The following EBF1 variants were observed in gnomAD, a reference collection of about 807,000 sequenced individuals.
The protein encoded by EBF1 is transcription factor COE1.
Under a neutral mutation model 68.4 loss-of-function variants are expected in EBF1, and 10 were observed. That is an observed-to-expected ratio of 0.15 (90% CI 0.09 to 0.25). The LOEUF (loss-of-function observed/expected upper bound fraction) is 0.25, where lower values mean the gene tolerates loss of function less well. EBF1 is among the 10% of genes least tolerant of loss of function. The pLI, the probability that EBF1 is intolerant of heterozygous loss-of-function variation, is 1.00. For missense variants in EBF1, 509 were observed against 794.4 expected (o/e 0.64, Z 4.32); for synonymous variants, 298 against 299.8 (o/e 0.99, Z 0.06).
intron 8 of EBF1, among the ~76,000 whole-genome samples, chr5:158,796,703 C>T (rs561548525): frequency 2.6e-5 from 4 of 152,200 alleles, no homozygotes; most frequent in Admixed American, 6.5e-5. Flanking sequence ...ATATATTTTA[C>T]CCAAATCTTT....
intron 8 of EBF1, among the ~76,000 whole-genome samples, chr5:158,802,505 ACTCT>A (rs1780789004): frequency 6.6e-6 from 1 of 152,096 alleles, no homozygotes; most frequent in African/African-American, 2.4e-5. Flanking sequence ...ATTAACCAGA[ACTCT>A]CTATTAGTGA....
chr5:158,806,938 A>G (rs1276469176), intron 8 of EBF1, among the ~76,000 whole-genome samples: 17 of 152,198 alleles, frequency 1.1e-4, no homozygotes, highest in Admixed American at 1.1e-3. Flanking sequence ...CACTAGCTAC[A>G]CGCAGCTATT....
At chr5:159,083,997 T>A (rs544939406) in intron 5 of EBF1, among the ~76,000 whole-genome samples, 1 of 152,334 alleles carries the variant, frequency 6.6e-6, no homozygotes, top group Admixed American at 6.5e-5. Context: ...CAAATGTAGC[T>A]TCAGTCTGAT....
intron 4 of EBF1, among the ~76,000 whole-genome samples, chr5:159,092,145 C>A (rs1364837117): frequency 6.6e-6 from 1 of 152,216 alleles, no homozygotes; most frequent in Non-Finnish European, 1.5e-5. Flanking sequence ...ACCTCCCCCA[C>A]TGGATTCATT....
chr5:158,936,532 G>T (rs1046035645), intron 6 of EBF1, among the ~76,000 whole-genome samples: 3 of 152,206 alleles, frequency 2.0e-5, no homozygotes, highest in Non-Finnish European at 2.9e-5. Context: ...TCAGCATGTG[G>T]ATGGCACACG....
rs939930587 is a variant in EBF1 at position 158,967,062 on chromosome 5, T to TA, written c.554+106333dup. 4.0e-5 allele frequency among the ~76,000 whole-genome samples: 6 copies of TA among 150,024 alleles called. No individual in the cohort carries two copies. The South Asian group carries it at 8.4e-4, about 21-fold the overall frequency. On this transcript the variant is annotated intron_variant, in intron 6 of 15. Transcript: ENST00000313708. ...ACCCAAGTTTCTGGATCTACACAGA[T>TA]AAAAAAACCTTTTCAGGAAATAAGA...
Position 159,097,081 on chromosome 5 carries a change from G to A in EBF1, c.184C>T (p.Leu62=). Residue 62 remains leucine (L), a synonymous_variant, in exon 2 of 16, where the codon CTG becomes TTG. Transcript: ENST00000313708. ...AHFEKQPPSN[L]RKSNFFHFVL... ...AAGTGGAAGAAGTTGGATTTCCGCA[G>A]ATTGGAAGGCGGCTGCTTCTCAAAG... 2.5e-6 allele frequency: 4 copies of A among 1,614,012 alleles called. No individual in the cohort carries two copies. Among genetic ancestry groups the A allele is most frequent in the Non-Finnish European group, 3.4e-6 (4 of 1,179,960 alleles).
At chr5:158,772,461 T>C (rs1332770451) in intron 10 of EBF1, among the ~76,000 whole-genome samples, 1 of 152,182 alleles carries the variant, frequency 6.6e-6, no homozygotes, top group East Asian at 1.9e-4. Context: ...CAAGCATGTG[T>C]TGTTCCCTAA....
At chr5:158,775,444 C>T (rs983412924) in intron 10 of EBF1, among the ~76,000 whole-genome samples, 4 of 152,034 alleles carry the variant, frequency 2.6e-5, no homozygotes, top group African/African-American at 9.7e-5. Context: ...GAAACCATGC[C>T]TGATTGCCTC....
chr5:158,833,040 A>G (rs1213205178), intron 7 of EBF1, among the ~76,000 whole-genome samples: 1 of 152,046 alleles, frequency 6.6e-6, no homozygotes, highest in Non-Finnish European at 1.5e-5. Context: ...TCTTCCCAGG[A>G]TGGTTTATCC....
At chr5:158,978,245 G>T (rs1226800134) in intron 6 of EBF1, among the ~76,000 whole-genome samples, 2 of 152,240 alleles carry the variant, frequency 1.3e-5, no homozygotes, top group Admixed American at 6.5e-5. Flanking sequence ...ACATGCGGCC[G>T]CTGTGAGGCT....
chr5:159,050,060 C>G (rs1312370090), intron 6 of EBF1, among the ~76,000 whole-genome samples: 1 of 152,042 alleles, frequency 6.6e-6, no homozygotes, highest in African/African-American at 2.4e-5. Flanking sequence ...AGAAAGCAGG[C>G]CTTGGAAGAA....
chr5:158,901,582 C>A (rs1803347141), intron 6 of EBF1, among the ~76,000 whole-genome samples: 2 of 152,176 alleles, frequency 1.3e-5, no homozygotes, highest in South Asian at 4.1e-4. Flanking sequence ...GCGATAAGTT[C>A]AGTTAGTCAA....
intron 6 of EBF1, among the ~76,000 whole-genome samples, chr5:158,922,876 G>T (rs890765741): frequency 6.6e-6 from 1 of 152,166 alleles, no homozygotes; most frequent in Non-Finnish European, 1.5e-5. Context: ...ACCACTCTCT[G>T]TCCAGGTGGA....
intron 6 of EBF1, among the ~76,000 whole-genome samples, chr5:158,948,254 T>C (rs62385388): frequency 0.55 from 83,582 of 151,816 alleles, 23,412 homozygotes; most frequent in South Asian, 0.74. Flanking sequence ...CTCTGTGATG[T>C]AGGGGAGGCC....
At chr5:158,798,551 G>A (rs1297646079) in intron 8 of EBF1, among the ~76,000 whole-genome samples, 1 of 152,110 alleles carries the variant, frequency 6.6e-6, no homozygotes, top group Non-Finnish European at 1.5e-5. Flanking sequence ...AAAATAGCAT[G>A]GCCAAGACCT....
At chr5:158,838,517 G>A (rs185931565) in intron 7 of EBF1, among the ~76,000 whole-genome samples, 59 of 152,020 alleles carry the variant, frequency 3.9e-4, no homozygotes, top group Middle Eastern at 3.4e-3. Context: ...CCAAAAGGTG[G>A]TGAAGCCAAG....
chr5:159,040,113 T>C (rs575937607), intron 6 of EBF1, among the ~76,000 whole-genome samples: 175 of 152,288 alleles, frequency 1.1e-3, no homozygotes, highest in African/African-American at 4.1e-3. Flanking sequence ...GTCCTGCAGC[T>C]GTGAGTGAGG....
chr5:158,878,917 G>A (rs1798312465), intron 6 of EBF1, among the ~76,000 whole-genome samples: 1 of 152,020 alleles, frequency 6.6e-6, no homozygotes, highest in Non-Finnish European at 1.5e-5. Context: ...GTGCTTGCTG[G>A]GAGTACAGCT....
Sources: gnomAD v4.1 joint callset for allele counts (sites outside exome capture counted in the v4.1 genomes callset) on GRCh38, gnomAD v4.1.1 for gene constraint, MANE v1.5 for transcripts, NCBI Gene and HGNC (gene_info 2026-07-23, HGNC 2026-07-21) for gene names.